The following DOK6 variants were observed in gnomAD, a reference collection of about 807,000 sequenced individuals.
DOK6 encodes downstream of tyrosine kinase 6.
DOK6 carries 22 observed loss-of-function variants against 44.0 expected under a neutral mutation model. The ratio of observed to expected loss-of-function variants is 0.50; its 90% confidence interval spans 0.36 to 0.71. DOK6 has a LOEUF of 0.71. Among genes scored for constraint, DOK6 ranks in the 30% least tolerant of loss-of-function variants. DOK6 has a pLI of 0.00. For synonymous variants in DOK6, 166 were observed against 145.5 expected, an observed-to-expected ratio of 1.14 and a Z score of -1.01; for missense variants, 340 against 416.4, an observed-to-expected ratio of 0.82 and a Z score of 1.60.
Position 69,401,143 on chromosome 18 carries a change from G to T in DOK6, c.-102G>T. The T allele has an allele frequency of 1.6e-6, 2 of 1,224,754 alleles. No homozygotes were observed. Among genetic ancestry groups the T allele is most frequent in the Non-Finnish European group, 2.1e-6 (2 of 944,242 alleles). 75.9% of individuals were successfully genotyped at this position (1,224,754 alleles called of 1,614,324 possible). A position where few individuals can be genotyped will look rare whatever the true frequency, so the allele number is the denominator to read the frequency against. On this transcript the variant is annotated 5_prime_UTR_variant, in exon 1 of 8. Coordinates refer to ENST00000382713, the MANE Select transcript of DOK6 (RefSeq NM_152721.6). Reference sequence around the variant, plus strand: ...AGCGGGCGGCGGCGCTGCTGCTGGCGGCGGCCGGCTGGATGCGAGACCCGC... The same window carrying T: ...AGCGGGCGGCGGCGCTGCTGCTGGCTGCGGCCGGCTGGATGCGAGACCCGC...
At chr18:69,799,290 G>A (rs949272) in intron 7 of DOK6, among the ~76,000 whole-genome samples, 63,571 of 151,712 alleles carry the variant, frequency 0.42, 15,158 homozygotes, top group East Asian at 0.59. Context: ...GAAGTTTATC[G>A]TCAGCAGCAA....
intron 5 of DOK6, among the ~76,000 whole-genome samples, chr18:69,706,536 T>C (rs1432443899): frequency 5.9e-5 from 9 of 152,072 alleles, no homozygotes; most frequent in African/African-American, 1.7e-4. Flanking sequence ...AATTTTATTA[T>C]TATTATACTT....
rs756635026 is a variant in DOK6, at chr18:69,841,328, C to T, written c.941C>T (p.Pro314Leu). 9.9e-6 allele frequency: 16 copies of T among 1,614,176 alleles called. No individual in the cohort carries two copies. The highest frequency in any genetic ancestry group is 4.4e-5 in the South Asian group (4 of 91,082). Reference sequence around the variant, plus strand: ...GAACAGAGTGAAGAGGCCCAGCAGCCGTTGTCGCGGTCCAGCAGCTATGGA... The same window carrying T: ...GAACAGAGTGAAGAGGCCCAGCAGCTGTTGTCGCGGTCCAGCAGCTATGGA... ...APEQSEEAQQ[P>L]LSRSSSYGFS... The change falls in exon 8 of 8, where the codon CCG (proline) becomes CTG (leucine). Residue 314 changes from proline (P) to leucine (L), a missense_variant. By Grantham distance (98) the Pro-to-Leu change is moderately conservative (BLOSUM62 -3). Around this residue, in one of 3 missense-constraint regions of DOK6, gnomAD observed 112 missense variants for 109.3 expected, o/e 1.02. Transcript: ENST00000382713.
chr18:69,704,999 C>T (rs935047125), intron 5 of DOK6: 2 of 152,154 alleles, frequency 1.3e-5, no homozygotes, highest in Non-Finnish European at 2.9e-5. Context: ...GGTCTTTATC[C>T]AGAATTAACA....
chr18:69,534,903 T>C (rs995149018), intron 1 of DOK6, among the ~76,000 whole-genome samples: 2 of 152,138 alleles, frequency 1.3e-5, no homozygotes, highest in African/African-American at 4.8e-5. Context: ...TAAAGACTTT[T>C]GAACGTTAGG....
At chr18:69,568,614 G>T (rs560196433) in intron 2 of DOK6, among the ~76,000 whole-genome samples, 1 of 152,188 alleles carries the variant, frequency 6.6e-6, no homozygotes, top group East Asian at 1.9e-4. Context: ...ATGAACCAGT[G>T]CTGGGCTGTG....
rs80156577 is a variant in DOK6, at chr18:69,445,872, C to T, written c.66+44562C>T. Among the ~76,000 whole-genome samples, 1,443 of 152,114 alleles carry T rather than the reference C, an allele frequency of 9.5e-3. 21 individuals carry two copies. The highest frequency in any genetic ancestry group is 0.032 in the African/African-American group (1,313 of 41,504). ...TTGCAATCTAGCCTTGGTGACACAG[C>T]GAGGTTATGTCTTTTACAAAATGTT... is the stretch of plus-strand genomic sequence containing the variant. On this transcript the variant is annotated intron_variant, in intron 1 of 7. Coordinates refer to ENST00000382713, the MANE Select transcript of DOK6 (RefSeq NM_152721.6).
chr18:69,605,046 T>G (rs1983962063), intron 3 of DOK6, among the ~76,000 whole-genome samples: 1 of 150,996 alleles, frequency 6.6e-6, no homozygotes, highest in African/African-American at 2.4e-5. Context: ...TCCTTGTAGT[T>G]TTTTGAGACC....
intron 1 of DOK6, among the ~76,000 whole-genome samples, chr18:69,500,967 A>G (rs148708067): frequency 2.0e-3 from 301 of 150,412 alleles, no homozygotes; most frequent in African/African-American, 6.8e-3. Flanking sequence ...TTGGTTTTGG[A>G]GTGTGTGTTA....
chr18:69,692,941 G>A (rs1170964517), intron 4 of DOK6, among the ~76,000 whole-genome samples: 3 of 152,168 alleles, frequency 2.0e-5, no homozygotes, highest in Admixed American at 6.5e-5. Flanking sequence ...TAAGCCTCAT[G>A]AGGGATAAAG....
chr18:69,498,986 G>A (rs562692687), intron 1 of DOK6, among the ~76,000 whole-genome samples: 2 of 152,224 alleles, frequency 1.3e-5, no homozygotes, highest in African/African-American at 4.8e-5. Flanking sequence ...TTGTTTTAAA[G>A]GCTCTGTAAC....
At chr18:69,697,727 T>C (rs146112445) in intron 4 of DOK6, among the ~76,000 whole-genome samples, 5 of 152,304 alleles carry the variant, frequency 3.3e-5, no homozygotes, top group East Asian at 1.9e-4. Context: ...AAGTAAGGTT[T>C]GGAATCATTG....
At chr18:69,719,484 G>C (rs1418089036) in intron 5 of DOK6, among the ~76,000 whole-genome samples, 1 of 152,156 alleles carries the variant, frequency 6.6e-6, no homozygotes, top group African/African-American at 2.4e-5. Context: ...GTGACCTTTG[G>C]CTACATGACT....
intron 1 of DOK6, among the ~76,000 whole-genome samples, chr18:69,546,373 C>A (rs1003001995): frequency 5.3e-5 from 8 of 151,286 alleles, no homozygotes; most frequent in Non-Finnish European, 1.0e-4. Context: ...CATATACATA[C>A]AATGATAGCA....
At chr18:69,680,772 T>C (rs1255740113) in intron 4 of DOK6, among the ~76,000 whole-genome samples, 1 of 152,196 alleles carries the variant, frequency 6.6e-6, no homozygotes, top group Non-Finnish European at 1.5e-5. Context: ...GACTAAGATA[T>C]CTCATCCGTC....
chr18:69,809,599 A>C (rs1211253042), intron 7 of DOK6, among the ~76,000 whole-genome samples: 1 of 136,956 alleles, frequency 7.3e-6, no homozygotes, highest in African/African-American at 3.0e-5. Flanking sequence ...CACACACAAA[A>C]GAAAGAAAAA....
chr18:69,533,968 G>C (rs561197730), intron 1 of DOK6, among the ~76,000 whole-genome samples: 1 of 152,224 alleles, frequency 6.6e-6, no homozygotes, highest in South Asian at 2.1e-4. Flanking sequence ...AGATATGCAT[G>C]CCTACATGAC....
intron 7 of DOK6, among the ~76,000 whole-genome samples, chr18:69,759,889 T>C (rs117753557): frequency 0.021 from 3,212 of 152,262 alleles, 47 homozygotes; most frequent in Middle Eastern, 0.075. Flanking sequence ...CTAAGGTAAT[T>C]ACTTAAGTCA....
rs557460508 is a variant in DOK6, at chr18:69,650,719, C to T, written c.290-27015C>T. On this transcript the variant is annotated intron_variant, in intron 3 of 7. Coordinates refer to ENST00000382713, the MANE Select transcript of DOK6 (RefSeq NM_152721.6). ...ATTGTGCTTACCTTGAACAGTACTG[C>T]GTCATACACTCAAACTCTGTGATCT... 8.5e-5 allele frequency among the ~76,000 whole-genome samples: 13 copies of T among 152,204 alleles called. No homozygotes were observed. The East Asian group carries it at 9.7e-4, about 11-fold the overall frequency.
Sources: allele counts gnomAD v4.1 joint callset (sites outside exome capture counted in the v4.1 genomes callset), GRCh38; gene constraint gnomAD v4.1.1; regional missense constraint gnomAD v4.1.1; transcripts MANE v1.5; gene names NCBI Gene and HGNC (gene_info 2026-07-23, HGNC 2026-07-21).